ATP6V0D2: variants seen among roughly 807,000 people sequenced by gnomAD.
ATP6V0D2 encodes the protein V-type proton ATPase subunit d 2.
In ATP6V0D2, 40 loss-of-function variants were observed where a neutral mutation model predicts 40.0. The ratio of observed to expected loss-of-function variants is 1.00; its 90% confidence interval spans 0.78 to 1.30. The LOEUF (loss-of-function observed/expected upper bound fraction) is 1.30, where lower values mean the gene tolerates loss of function less well. Among genes scored for constraint, ATP6V0D2 ranks in the 50% most tolerant of loss-of-function variants. ATP6V0D2 has a pLI of 0.00. For missense variants in ATP6V0D2, 470 were observed against 423.1 expected (o/e 1.11, Z -0.97); for synonymous variants, 179 against 156.3 (o/e 1.15, Z -1.08).
At chr8:86,111,090 C>G (rs1178856094) in intron 1 of ATP6V0D2, among the ~76,000 whole-genome samples, 3 of 152,130 alleles carry the variant, frequency 2.0e-5, no homozygotes, top group Non-Finnish European at 4.4e-5. Context: ...TTCCTCCTAA[C>G]TGAATCTAAC....
At chr8:86,124,754 T>C (rs1818717829) in intron 2 of ATP6V0D2, among the ~76,000 whole-genome samples, 1 of 152,160 alleles carries the variant, frequency 6.6e-6, no homozygotes, top group Non-Finnish European at 1.5e-5. Context: ...TAAAGCTCCT[T>C]GTTTAAAATA....
At position 86,150,204 on chromosome 8, in the gene ATP6V0D2, C is replaced by G. The variant is rs768968754; in HGVS notation, c.732C>G (p.Phe244Leu). The change falls in exon 6 of 8, where the codon TTC (phenylalanine) becomes TTG (leucine). Residue 244 changes from phenylalanine (F) to leucine (L), a missense_variant. Physicochemically the swap from Phe to Leu is conservative, Grantham distance 22. Transcript: ENST00000285393. ...KEDRETLYPT[F>L]GKLYPEGLRL... ...ACCGAGAGACCCTCTATCCAACCTTCGGCAAACTCTATCCTGAGGGGTTGC... is the reference window on the plus strand; with the variant it reads ...ACCGAGAGACCCTCTATCCAACCTTGGGCAAACTCTATCCTGAGGGGTTGC... 1 of 1,613,250 alleles carries G rather than the reference C, an allele frequency of 6.2e-7. No individual in the cohort carries two copies. Among genetic ancestry groups the G allele is most frequent in the Non-Finnish European group, 8.5e-7 (1 of 1,179,892 alleles).
intron 2 of ATP6V0D2, among the ~76,000 whole-genome samples, chr8:86,124,699 A>T (rs1467808113): frequency 6.6e-6 from 1 of 152,196 alleles, no homozygotes; most frequent in Non-Finnish European, 1.5e-5. Context: ...AGTTTAATTT[A>T]AAAACAGAAC....
At chr8:86,129,805 G>GAA (rs60701588) in intron 2 of ATP6V0D2, among the ~76,000 whole-genome samples, 1 of 136,422 alleles carries the variant, frequency 7.3e-6, no homozygotes, top group Non-Finnish European at 1.6e-5. Flanking sequence ...TCTGTCTCAG[G>GAA]AAAAAAAAAA....
intron 1 of ATP6V0D2, among the ~76,000 whole-genome samples, chr8:86,110,225 G>A (rs1818514151): frequency 1.3e-5 from 2 of 152,116 alleles, no homozygotes; most frequent in African/African-American, 4.8e-5. Context: ...CTTCTGAGTA[G>A]CTGGGATTAC....
At chr8:86,119,695 T>G (rs1818643416) in intron 2 of ATP6V0D2, among the ~76,000 whole-genome samples, 3 of 152,230 alleles carry the variant, frequency 2.0e-5, no homozygotes. Flanking sequence ...TTAAAAATTA[T>G]GTACAAAAAT....
intron 4 of ATP6V0D2, 40 bp downstream of exon 4, chr8:86,141,569 C>A (rs759760892): frequency 7.0e-6 from 10 of 1,427,820 alleles, no homozygotes; most frequent in East Asian, 4.6e-5. Context: ...CTTGATTACA[C>A]AATGTATTGT....
intron 3 of ATP6V0D2, among the ~76,000 whole-genome samples, chr8:86,140,548 T>C (rs1462414657): frequency 6.6e-6 from 1 of 152,102 alleles, no homozygotes. Flanking sequence ...AACACACTTT[T>C]AAGTACAACT....
At chr8:86,111,724 G>T (rs1400470055) in intron 1 of ATP6V0D2, among the ~76,000 whole-genome samples, 2 of 152,056 alleles carry the variant, frequency 1.3e-5, no homozygotes, top group African/African-American at 2.4e-5. Flanking sequence ...CTAAGTCATC[G>T]AATGCCTGCC....
intron 2 of ATP6V0D2, among the ~76,000 whole-genome samples, chr8:86,114,310 TTA>T (rs1818566002): frequency 6.6e-6 from 1 of 152,162 alleles, no homozygotes; most frequent in African/African-American, 2.4e-5. Flanking sequence ...GTTGTGAAAG[TTA>T]TATATGTTTT....
At chr8:86,100,236 C>A (rs1313739069) in intron 1 of ATP6V0D2, among the ~76,000 whole-genome samples, 1 of 151,534 alleles carries the variant, frequency 6.6e-6, no homozygotes, top group African/African-American at 2.4e-5. Context: ...CAAAACCTTA[C>A]CAAAGATTCC....
intron 2 of ATP6V0D2, among the ~76,000 whole-genome samples, chr8:86,136,867 G>A (rs1818904442): frequency 6.6e-6 from 1 of 152,138 alleles, no homozygotes; most frequent in Non-Finnish European, 1.5e-5. Flanking sequence ...AGGTGGCTAA[G>A]CTTCCCATCA....
chr8:86,134,697 T>C (rs1371296583), intron 2 of ATP6V0D2, among the ~76,000 whole-genome samples: 1 of 152,222 alleles, frequency 6.6e-6, no homozygotes, highest in Admixed American at 6.5e-5. Flanking sequence ...ATAAAACTTA[T>C]TTTAATATAA....
intron 2 of ATP6V0D2, among the ~76,000 whole-genome samples, chr8:86,120,900 C>T (rs536419244): frequency 1.3e-5 from 2 of 152,150 alleles, no homozygotes; most frequent in African/African-American, 2.4e-5. Flanking sequence ...AAATATCTGT[C>T]GGTCTTCAAA....
intron 2 of ATP6V0D2, among the ~76,000 whole-genome samples, chr8:86,123,583 G>C (rs1327117475): frequency 2.0e-5 from 3 of 152,128 alleles, no homozygotes; most frequent in Non-Finnish European, 2.9e-5. Context: ...AGATTCATTT[G>C]AGAGAGAGAT....
chr8:86,112,882 A>G (rs1414577681), intron 1 of ATP6V0D2, among the ~76,000 whole-genome samples: 1 of 152,196 alleles, frequency 6.6e-6, no homozygotes, highest in Admixed American at 6.5e-5. Context: ...CGCCTACTTC[A>G]GTCTCATTAG....
chr8:86,139,578 A>T lies in ATP6V0D2; in HGVS notation c.424A>T (p.Asn142Tyr), dbSNP rs753114177. 6.2e-7 allele frequency: 1 copy of T among 1,613,670 alleles called. No homozygotes were observed. Among genetic ancestry groups the T allele is most frequent in the Non-Finnish European group, 8.5e-7 (1 of 1,179,828 alleles). Reference sequence around the variant, plus strand: ...CCGTTTCACAGAAATGGAAGCTGTCAACATTGCAGAGACACCTTCAGATCT... The same window carrying T: ...CCGTTTCACAGAAATGGAAGCTGTCTACATTGCAGAGACACCTTCAGATCT... ...LGRFTEMEAV[N>Y]IAETPSDLFN... Residue 142 changes from asparagine (N) to tyrosine (Y), a missense_variant, in exon 3 of 8, where the codon AAC becomes TAC. By Grantham distance (143) the Asn-to-Tyr change is moderately radical (BLOSUM62 -2). Coordinates refer to ENST00000285393, the MANE Select transcript of ATP6V0D2 (RefSeq NM_152565.1).
chr8:86,136,259 A>T (rs1171904778), intron 2 of ATP6V0D2, among the ~76,000 whole-genome samples: 1 of 152,210 alleles, frequency 6.6e-6, no homozygotes, highest in Admixed American at 6.5e-5. Flanking sequence ...TCCTGAATAC[A>T]CACACATGCA....
intron 1 of ATP6V0D2, among the ~76,000 whole-genome samples, chr8:86,109,023 C>A (rs887043328): frequency 4.6e-5 from 7 of 152,156 alleles, no homozygotes; most frequent in Non-Finnish European, 8.8e-5. Context: ...GGAATATATT[C>A]TATTTTCCTT....
Sources: allele counts gnomAD v4.1 joint callset (sites outside exome capture counted in the v4.1 genomes callset), GRCh38; gene constraint gnomAD v4.1.1; transcripts MANE v1.5; gene names NCBI Gene and HGNC (gene_info 2026-07-23, HGNC 2026-07-21).